The following CCND3 variants were observed in gnomAD, a reference collection of about 807,000 sequenced individuals.
CCND3 encodes the protein G1/S-specific cyclin-D3.
Under a neutral mutation model 28.7 loss-of-function variants are expected in CCND3, and 9 were observed. The observed-to-expected ratio is 0.31, with a 90% CI of 0.19 to 0.55. CCND3 has a LOEUF of 0.55. Among genes scored for constraint, CCND3 ranks in the 20% least tolerant of loss-of-function variants. CCND3 has a pLI of 0.93. For missense variants in CCND3, 315 were observed against 385.8 expected, an observed-to-expected ratio of 0.82 and a Z score of 1.54; for synonymous variants, 164 against 163.9, an observed-to-expected ratio of 1.00 and a Z score of 0.00.
At chr6:42,026,279 C>T (rs1028815062) in intron 1 of CCND3, among the ~76,000 whole-genome samples, 8 of 151,976 alleles carry the variant, frequency 5.3e-5, no homozygotes, top group Non-Finnish European at 1.0e-4. Context: ...CCTCTCCCCC[C>T]GCCGCCCCCC....
At position 41,936,757 on chromosome 6, in the gene CCND3, A is replaced by T; in HGVS notation, c.575-62T>A. ...ACCTGAAGGATAACGGCCAGCATGGACTTCCGACTCCTTGGAAAGTGCCAG... is the reference window on the plus strand; with the variant it reads ...ACCTGAAGGATAACGGCCAGCATGGTCTTCCGACTCCTTGGAAAGTGCCAG... On this transcript the variant is annotated intron_variant, in intron 3 of 4. Coordinates refer to ENST00000372991, the MANE Select transcript of CCND3 (RefSeq NM_001760.5). The surrounding 1 kb of genome is among the most constrained non-coding windows in gnomAD (Gnocchi z 4.4). 1.3e-6 allele frequency: 2 copies of T among 1,559,422 alleles called. No homozygotes were observed. Among genetic ancestry groups the T allele is most frequent in the Non-Finnish European group, 1.8e-6 (2 of 1,142,536 alleles).
chr6:42,034,468 CT>C (rs34822771), intron 1 of CCND3, among the ~76,000 whole-genome samples: 245 of 50,984 alleles, frequency 4.8e-3, no homozygotes, highest in African/African-American at 0.019. Flanking sequence ...CCCTGTCACT[CT>C]TTTTTTTTTT....
intron 1 of CCND3, among the ~76,000 whole-genome samples, chr6:41,960,071 T>C (rs535348266): frequency 6.6e-6 from 1 of 152,198 alleles, no homozygotes; most frequent in Non-Finnish European, 1.5e-5. Context: ...GCAGTATTGA[T>C]GCATGCTACA....
chr6:41,993,256 AG>A (rs776848015), intron 1 of CCND3, among the ~76,000 whole-genome samples: 6 of 152,132 alleles, frequency 3.9e-5, no homozygotes, highest in Non-Finnish European at 7.4e-5. Flanking sequence ...TGGCTGCAAT[AG>A]TTTATATTCC....
chr6:41,936,689 G>A lies in CCND3; in HGVS notation c.581C>T (p.Thr194Ile), dbSNP rs1252468666. 2 of 1,613,768 alleles carry A rather than the reference G, an allele frequency of 1.2e-6. No individual in the cohort carries two copies. Among genetic ancestry groups the A allele is most frequent in the South Asian group, 2.2e-5 (2 of 91,050 alleles). ...TFLALCATDY[T>I]FAMYPPSMIA... is the part of the protein sequence containing the mutation. ...CATGGATGGCGGGTACATGGCAAAG[G>A]TATAATCTTGGAGAGGAGGAAAGGG... Residue 194 changes from threonine (T) to isoleucine (I), a missense_variant, in exon 4 of 5, where the codon ACC becomes ATC. By Grantham distance (89) the Thr-to-Ile change is moderately conservative. Transcript: ENST00000372991. The surrounding 1 kb of genome is among the most constrained non-coding windows in gnomAD (Gnocchi z 4.4).
In CCND3 at chr6:41,938,847, G is replaced by C. The variant is rs1452708596; in HGVS notation, c.415-1453C>G. ...CCTTCCTTGGGCCTCAGCCTCCTCT[G>C]CTGCACACGGATTTGGACCAACTGG... On this transcript the variant is annotated intron_variant, in intron 2 of 4. Coordinates refer to ENST00000372991, the MANE Select transcript of CCND3 (RefSeq NM_001760.5). The surrounding 1 kb of genome is among the most constrained non-coding windows in gnomAD (Gnocchi z 4.6). Among the ~76,000 whole-genome samples, 6 of 152,128 alleles carry C rather than the reference G, an allele frequency of 3.9e-5. No homozygotes were observed. Among genetic ancestry groups the C allele is most frequent in the African/African-American group, 7.2e-5 (3 of 41,406 alleles).
At chr6:42,027,868 C>A (rs139351274) in intron 1 of CCND3, among the ~76,000 whole-genome samples, 295 of 152,248 alleles carry the variant, frequency 1.9e-3, no homozygotes, top group Non-Finnish European at 2.0e-3. Context: ...CTGCCTCAGC[C>A]TCCCAAGTAG....
chr6:41,941,842 G>A (rs549644225), upstream of CCND3: 1 of 273,862 alleles, frequency 3.7e-6, no homozygotes, highest in East Asian at 6.5e-5. The surrounding 1 kb of genome is among the most constrained non-coding windows in gnomAD (Gnocchi z 6.1). Context: ...TGTAGCAACC[G>A]TGGAATGCTC....
Position 42,048,264 on chromosome 6 carries a change from G to A in CCND3, c.-46+237C>T, listed in dbSNP as rs1764605772. On this transcript the variant is annotated intron_variant, in intron 1 of 4. Transcript: ENST00000372988. The surrounding 1 kb of genome is among the most constrained non-coding windows in gnomAD (Gnocchi z 4.7). ...ACGGGGCTTCCAGATCAGCTGGAGG[G>A]GGTTGTGCCGATGTGTGTACATACA... is the stretch of plus-strand genomic sequence containing the variant. 4.0e-6 allele frequency: 1 copy of A among 249,112 alleles called. No homozygotes were observed. The highest frequency in any genetic ancestry group is 7.9e-6 in the Non-Finnish European group (1 of 125,796). 15.4% of individuals were successfully genotyped at this position (249,112 alleles called of 1,614,324 possible).
intron 1 of CCND3, among the ~76,000 whole-genome samples, chr6:41,950,467 C>T (rs994326446): frequency 1.2e-4 from 18 of 152,060 alleles, no homozygotes; most frequent in Admixed American, 8.5e-4. Flanking sequence ...TTAACTTTTC[C>T]GTCCCAGCCT....
intron 2 of CCND3, among the ~76,000 whole-genome samples, chr6:41,937,941 C>T (rs1329514487): frequency 2.6e-5 from 4 of 152,188 alleles, no homozygotes; most frequent in Non-Finnish European, 5.9e-5. Flanking sequence ...AGAGCCTTTT[C>T]TCAGGTTCCT....
chr6:42,040,795 G>A (rs1347810085), intron 1 of CCND3, among the ~76,000 whole-genome samples: 1 of 150,850 alleles, frequency 6.6e-6, no homozygotes, highest in African/African-American at 2.4e-5. Context: ...AGGTTGCAGT[G>A]AGCCGAGATC....
intron 1 of CCND3, among the ~76,000 whole-genome samples, chr6:41,968,520 G>A (rs552762904): frequency 6.6e-6 from 1 of 152,144 alleles, no homozygotes; most frequent in East Asian, 1.9e-4. Context: ...GAGCCCAGAA[G>A]TCCAAGCTAT....
At chr6:41,950,054 C>T (rs1426674223) in intron 1 of CCND3, among the ~76,000 whole-genome samples, 4 of 147,712 alleles carry the variant, frequency 2.7e-5, no homozygotes, top group African/African-American at 5.0e-5. Context: ...GCCAAGATCA[C>T]GCCACTGCAC....
chr6:41,964,505 T>A (rs866996037), intron 1 of CCND3, among the ~76,000 whole-genome samples: 10 of 151,762 alleles, frequency 6.6e-5, no homozygotes, highest in East Asian at 5.8e-4. Flanking sequence ...TGTGAGTGTG[T>A]GTGTGTGTGA....
chr6:41,935,962 T>A lies in CCND3; in HGVS notation c.857A>T (p.Asp286Val). ...GGGCTACAGGTGTATGGCTGTGACA[T>A]CTGTAGGAGTGCTGGTCTGGCTGGG... The part of the protein sequence containing the change: ...QGPSQTSTPT[D>V]VTAIHL Residue 286 changes from aspartate (D) to valine (V), a missense_variant, in exon 5 of 5, where the codon GAT becomes GTT. Physicochemically the swap from Asp to Val is radical, Grantham distance 152. Transcript: ENST00000372991. 6.2e-7 allele frequency: 1 copy of A among 1,612,364 alleles called. No homozygotes were observed. The highest frequency in any genetic ancestry group is 8.5e-7 in the Non-Finnish European group (1 of 1,179,368).
At chr6:42,034,101 G>A (rs956071937) in intron 1 of CCND3, among the ~76,000 whole-genome samples, 2 of 151,722 alleles carry the variant, frequency 1.3e-5, no homozygotes, top group African/African-American at 4.8e-5. Context: ...GGTGAGCTAC[G>A]ATTGCACCAC....
At chr6:42,035,875 A>C (rs552695958) in intron 1 of CCND3, among the ~76,000 whole-genome samples, 1 of 151,446 alleles carries the variant, frequency 6.6e-6, no homozygotes, top group African/African-American at 2.4e-5. Context: ...ACGGGGTTTC[A>C]CCATTTTGGC....
chr6:41,968,819 G>GT (rs1761956959), intron 1 of CCND3, among the ~76,000 whole-genome samples: 2 of 148,596 alleles, frequency 1.3e-5, no homozygotes, highest in South Asian at 4.2e-4. Context: ...TTGTTTGTTT[G>GT]TTTTGACACG....
Sources: gnomAD v4.1 joint callset for allele counts (sites outside exome capture counted in the v4.1 genomes callset) on GRCh38, gnomAD v4.1.1 for gene constraint, Gnocchi (gnomAD v3.1) non-coding constraint, MANE v1.5 for transcripts, NCBI Gene and HGNC (gene_info 2026-07-23, HGNC 2026-07-21) for gene names.